Variants in PTPN14 observed in about 807,000 individuals in gnomAD.
PTPN14 encodes tyrosine-protein phosphatase non-receptor type 14.
PTPN14 carries 53 observed loss-of-function variants against 126.8 expected under a neutral mutation model. The ratio of observed to expected loss-of-function variants is 0.42; its 90% confidence interval spans 0.34 to 0.53. The LOEUF (loss-of-function observed/expected upper bound fraction) is 0.53, where lower values mean the gene tolerates loss of function less well. PTPN14 is among the 20% of genes least tolerant of loss of function. The pLI, the probability that PTPN14 is intolerant of heterozygous loss-of-function variation, is 0.08. For synonymous variants in PTPN14, 630 were observed against 599.3 expected (o/e 1.05, Z -0.75); for missense variants, 1,257 against 1,552.9 (o/e 0.81, Z 3.20).
chr1:214,527,752 A>G (rs577470362), intron 1 of PTPN14, among the ~76,000 whole-genome samples: 1 of 152,210 alleles, frequency 6.6e-6, no homozygotes, highest in Non-Finnish European at 1.5e-5. Flanking sequence ...AAGTAGAAAA[A>G]TCTGTAAGGT....
intron 1 of PTPN14, among the ~76,000 whole-genome samples, chr1:214,534,951 A>C (rs973585649): frequency 6.6e-6 from 1 of 152,150 alleles, no homozygotes; most frequent in South Asian, 2.1e-4. Flanking sequence ...ATGACGTTAC[A>C]TGCTTCTCAT....
chr1:214,464,969 AAAG>A lies in PTPN14; in HGVS notation c.-154-15_-154-13del, dbSNP rs1660597466. The A allele has an allele frequency of 1.3e-6, 1 of 792,602 alleles. No individual in the cohort carries two copies. The highest frequency in any genetic ancestry group is 1.9e-6 in the Non-Finnish European group (1 of 516,110). 49.1% of individuals were successfully genotyped at this position (792,602 alleles called of 1,614,324 possible). A position where few individuals can be genotyped will look rare whatever the true frequency, so the allele number is the denominator to read the frequency against. On this transcript the variant is annotated splice_polypyrimidine_tract_variant and intron_variant, in intron 1 of 18. Coordinates refer to ENST00000366956, the MANE Select transcript of PTPN14 (RefSeq NM_005401.5). Reference sequence around the variant, plus strand: ...CCTCTGGAAGATAGCTGTAAATGCAAAAGAAATGCCATGGTCATGCTCCAGAAG... The same window carrying A: ...CCTCTGGAAGATAGCTGTAAATGCAAAAATGCCATGGTCATGCTCCAGAAG...
At chr1:214,550,552 C>G (rs1656083171) in intron 1 of PTPN14, among the ~76,000 whole-genome samples, 1 of 152,196 alleles carries the variant, frequency 6.6e-6, no homozygotes, top group South Asian at 2.1e-4. Flanking sequence ...GAAGGAGAGG[C>G]TGTTAATACC....
At chr1:214,385,575 G>GCCCAACCTGATTGATT (rs1571965193) in intron 12 of PTPN14, among the ~76,000 whole-genome samples, 1 of 151,416 alleles carries the variant, frequency 6.6e-6, no homozygotes, top group Non-Finnish European at 1.5e-5. Context: ...CTACAATCAG[G>GCCCAACCTGATTGATT]TGTCTGGTGT....
chr1:214,393,418 C>T (rs1402355524), intron 10 of PTPN14, among the ~76,000 whole-genome samples: 1 of 152,228 alleles, frequency 6.6e-6, no homozygotes, highest in East Asian at 1.9e-4. Flanking sequence ...AAACTTCTAG[C>T]AGAGGGTTGG....
chr1:214,497,496 G>A (rs934392394), intron 1 of PTPN14, among the ~76,000 whole-genome samples: 1 of 152,144 alleles, frequency 6.6e-6, no homozygotes, highest in Admixed American at 6.5e-5. Context: ...ATAGCATTTA[G>A]CCCAGTCATT....
chr1:214,481,955 C>A lies in PTPN14; in HGVS notation c.-154-16998G>T, dbSNP rs7539848. On this transcript the variant is annotated intron_variant, in intron 1 of 18. Coordinates refer to ENST00000366956, the MANE Select transcript of PTPN14 (RefSeq NM_005401.5). ...CGAGCCCAGATCACGCCACTGCACTCCAGCCTGGGTGACAGAGCGAGAGTC... is the reference window on the plus strand; with the variant it reads ...CGAGCCCAGATCACGCCACTGCACTACAGCCTGGGTGACAGAGCGAGAGTC... Among the ~76,000 whole-genome samples, 222 of 151,490 alleles carry A rather than the reference C, an allele frequency of 1.5e-3. 1 individual carries two copies. Among genetic ancestry groups the A allele is most frequent in the African/African-American group, 5.2e-3 (214 of 41,236 alleles).
At position 214,372,723 on chromosome 1, in the gene PTPN14, G is replaced by T; in HGVS notation, c.3024C>A (p.Val1008=). 6.2e-7 allele frequency: 1 copy of T among 1,614,094 alleles called. No homozygotes were observed. The highest frequency in any genetic ancestry group is 1.1e-5 in the South Asian group (1 of 91,034). ...WEQGVNVIAM[V]TAEEEGGRTK... ...CCATTCCCCTTACCTCCTCTGCAGT[G>T]ACCATGGCAATCACATTCACTCCCT... The change falls in exon 16 of 19, where the codon GTC becomes GTA. Residue 1008 remains valine, a synonymous_variant. Coordinates refer to ENST00000366956, the MANE Select transcript of PTPN14 (RefSeq NM_005401.5).
chr1:214,461,611 T>C (rs933264484), intron 2 of PTPN14, among the ~76,000 whole-genome samples: 11 of 145,848 alleles, frequency 7.5e-5, no homozygotes, highest in South Asian at 4.4e-4. Flanking sequence ...GTCTGGGCAA[T>C]AGAGCAAGAT....
chr1:214,395,588 AACACACACACACACACACACACAC>A (rs57357032), intron 8 of PTPN14, among the ~76,000 whole-genome samples: 2 of 132,472 alleles, frequency 1.5e-5, no homozygotes, highest in African/African-American at 5.7e-5. Context: ...GGGACCCAAC[AACACACACACACACACACACACAC>A]ACACACACAC....
At chr1:214,388,809 C>A (rs1558081049) in intron 11 of PTPN14, among the ~76,000 whole-genome samples, 1 of 152,206 alleles carries the variant, frequency 6.6e-6, no homozygotes, top group Non-Finnish European at 1.5e-5. Context: ...AGGGGTCACA[C>A]TTTCTCAGCA....
intron 18 of PTPN14, among the ~76,000 whole-genome samples, chr1:214,360,076 ACT>A (rs1657919321): frequency 6.6e-6 from 1 of 152,098 alleles, no homozygotes; most frequent in African/African-American, 2.4e-5. Context: ...CAGCACATTC[ACT>A]CTGCTCTGGG....
At chr1:214,410,500 C>T (rs139015448) in intron 5 of PTPN14, among the ~76,000 whole-genome samples, 2,605 of 152,226 alleles carry the variant, frequency 0.017, 81 homozygotes, top group African/African-American at 0.059. Flanking sequence ...ACCATATTGT[C>T]CAGGATGGTC....
At chr1:214,443,730 C>G (rs1054083593) in intron 3 of PTPN14, among the ~76,000 whole-genome samples, 1 of 152,142 alleles carries the variant, frequency 6.6e-6, no homozygotes, top group African/African-American at 2.4e-5. Flanking sequence ...CAGCAGAGCA[C>G]TAAACCAACT....
chr1:214,480,926 C>T (rs548615938), intron 1 of PTPN14, among the ~76,000 whole-genome samples: 4 of 152,030 alleles, frequency 2.6e-5, no homozygotes, highest in South Asian at 2.1e-4. Context: ...ATATGCTGGG[C>T]GGCTGGGAAG....
At position 214,532,725 on chromosome 1, in the gene PTPN14, T is replaced by C. The variant is rs536826922; in HGVS notation, c.-155+18458A>G. ...AGGCGCCAGTCTGTGGAGAGCAGCA[T>C]TACGGGCTCTGCAAGGTCACTGATG... On this transcript the variant is annotated intron_variant, in intron 1 of 18. Transcript: ENST00000366956. The C allele has an allele frequency of 9.8e-5, 77 of 786,800 alleles. No individual in the cohort carries two copies. The Middle Eastern group carries it at 1.7e-3, about 18-fold the overall frequency. The allele number at this position is 786,800 out of a possible 1,614,324, so 48.7% of individuals were successfully genotyped here.
At chr1:214,533,534 TAAAAA>T in intron 1 of PTPN14, 5 of 208,792 alleles carry the variant, frequency 2.4e-5, no homozygotes, top group African/African-American at 2.9e-5. Flanking sequence ...GCGGTTTAAA[TAAAAA>T]AAAAAAAAAA....
intron 3 of PTPN14, among the ~76,000 whole-genome samples, chr1:214,437,813 A>G (rs539254647): frequency 6.6e-6 from 1 of 152,160 alleles, no homozygotes; most frequent in Non-Finnish European, 1.5e-5. Context: ...ATTCTCCAAC[A>G]TCCATCTACT....
At chr1:214,519,693 C>T (rs2102454769) in intron 1 of PTPN14, among the ~76,000 whole-genome samples, 1 of 152,212 alleles carries the variant, frequency 6.6e-6, no homozygotes, top group Non-Finnish European at 1.5e-5. Context: ...TCAAATTAAT[C>T]TGGATTATTA....
Sources: allele counts gnomAD v4.1 joint callset (sites outside exome capture counted in the v4.1 genomes callset), GRCh38; gene constraint gnomAD v4.1.1; transcripts MANE v1.5; gene names NCBI Gene and HGNC (gene_info 2026-07-23, HGNC 2026-07-21).